Variants in NRP1 observed in about 807,000 individuals in gnomAD.
The protein encoded by NRP1 is neuropilin-1.
NRP1 carries 35 observed loss-of-function variants against 106.7 expected under a neutral mutation model. The ratio of observed to expected loss-of-function variants is 0.33; its 90% CI spans 0.25 to 0.43. NRP1 has a LOEUF of 0.43. Among genes scored for constraint, NRP1 ranks in the 20% least tolerant of loss-of-function variants. The pLI is 1.00. For missense variants in NRP1, 1,024 were observed against 1,170.4 expected (o/e 0.87, Z 1.83); for synonymous variants, 437 against 417.9 (o/e 1.05, Z -0.56).
At chr10:33,182,612 G>A in intron 16 of NRP1, 86 bp downstream of exon 16, 2 of 887,524 alleles carry the variant, frequency 2.3e-6, no homozygotes, top group Admixed American at 3.9e-5. Flanking sequence ...ACATACCAGT[G>A]TATTAGAGTT....
chr10:33,265,990 G>A (rs543643067), intron 3 of NRP1, among the ~76,000 whole-genome samples: 12 of 152,224 alleles, frequency 7.9e-5, no homozygotes, highest in African/African-American at 2.9e-4. Flanking sequence ...TATCCACAGT[G>A]TAGAAACAGT....
intron 6 of NRP1, among the ~76,000 whole-genome samples, chr10:33,238,905 C>CTGTGTGTGTGTGTGTGTGTG (rs34194923): frequency 2.0e-5 from 3 of 148,610 alleles, no homozygotes; most frequent in African/African-American, 7.4e-5. Context: ...GTGGGTGCCT[C>CTGTGTGTGTGTGTGTGTGTG]TGTGTGTGTG....
At chr10:33,282,254 A>AT (rs750316068) in intron 2 of NRP1, among the ~76,000 whole-genome samples, 28 of 152,250 alleles carry the variant, frequency 1.8e-4, no homozygotes, top group Non-Finnish European at 3.8e-4. Context: ...AGCCCCCTTA[A>AT]TTGGTATGGT....
chr10:33,270,590 G>T, intron 3 of NRP1, 85 bp downstream of exon 3: 3 of 1,203,760 alleles, frequency 2.5e-6, no homozygotes, highest in Non-Finnish European at 3.4e-6. Flanking sequence ...GCCTCCCAAA[G>T]TGCTGAGATT....
In NRP1 at chr10:33,213,381, C is replaced by T; in HGVS notation, c.1614+5G>A. On this transcript the variant is annotated splice_donor_5th_base_variant and intron_variant, in intron 9 of 16. Transcript: ENST00000374867. ...GATGACCTCCTCCCAGTCCCCAGCCCTCACCTTCGCCTTGCGTTTGCTGTC... is the reference window on the plus strand; with the variant it reads ...GATGACCTCCTCCCAGTCCCCAGCCTTCACCTTCGCCTTGCGTTTGCTGTC... The T allele has an allele frequency of 6.2e-7, 1 of 1,614,084 alleles. No individual in the cohort carries two copies. The highest frequency in any genetic ancestry group is 8.5e-7 in the Non-Finnish European group (1 of 1,180,028).
chr10:33,210,668 C>G (rs927906224), intron 9 of NRP1, among the ~76,000 whole-genome samples: 13 of 152,182 alleles, frequency 8.5e-5, no homozygotes, highest in African/African-American at 3.1e-4. Context: ...TTCAAAGATT[C>G]TGATATAGCT....
At position 33,265,897 on chromosome 10, in the gene NRP1, C is replaced by T. The variant is rs77263525; in HGVS notation, c.431-2024G>A. ...ACTCTGGTGGCTTCTGAGATGACAGCGACTATGCTAATTTGAGTCATTTAT... is the reference window on the plus strand; with the variant it reads ...ACTCTGGTGGCTTCTGAGATGACAGTGACTATGCTAATTTGAGTCATTTAT... On this transcript the variant is annotated intron_variant, in intron 3 of 16. Coordinates refer to ENST00000374867, the MANE Select transcript of NRP1 (RefSeq NM_003873.7). Among the ~76,000 whole-genome samples the T allele has an allele frequency of 8.8e-3, 1,334 of 152,114 alleles. 16 individuals carry two copies. Among genetic ancestry groups the T allele is most frequent in the African/African-American group, 0.029 (1,223 of 41,494 alleles).
chr10:33,230,531 C>T (rs1840028749), intron 6 of NRP1, among the ~76,000 whole-genome samples: 3 of 152,142 alleles, frequency 2.0e-5, no homozygotes, highest in African/African-American at 7.2e-5. Context: ...TCAGTGGAGA[C>T]TGAGATAAAA....
intron 8 of NRP1, among the ~76,000 whole-genome samples, chr10:33,218,121 A>G (rs1838923272): frequency 6.6e-6 from 1 of 152,178 alleles, no homozygotes; most frequent in South Asian, 2.1e-4. Context: ...ACTTCTGGTT[A>G]ATAACAGAAG....
intron 2 of NRP1, among the ~76,000 whole-genome samples, chr10:33,305,621 A>G (rs1013244840): frequency 1.3e-5 from 2 of 152,098 alleles, no homozygotes; most frequent in Non-Finnish European, 2.9e-5. Context: ...CTACCCATCA[A>G]CTAGAGAGGT....
At chr10:33,262,634 C>T (rs1053544900) in intron 4 of NRP1, among the ~76,000 whole-genome samples, 4 of 144,356 alleles carry the variant, frequency 2.8e-5, no homozygotes, top group Non-Finnish European at 4.5e-5. Context: ...ACCTGGGAGG[C>T]GGAGGTTGCA....
chr10:33,307,936 T>C (rs1234900696), intron 2 of NRP1, among the ~76,000 whole-genome samples: 3 of 152,120 alleles, frequency 2.0e-5, no homozygotes, highest in Non-Finnish European at 4.4e-5. Flanking sequence ...TATAGCACTA[T>C]TAGCAATAGC....
chr10:33,312,167 A>AT (rs1452664717), intron 2 of NRP1, among the ~76,000 whole-genome samples: 1 of 152,174 alleles, frequency 6.6e-6, no homozygotes, highest in African/African-American at 2.4e-5. Context: ...TATTTTAATT[A>AT]TTTTTTAAAT....
At position 33,186,391 on chromosome 10, in the gene NRP1, G is replaced by A. The variant is rs1314419300; in HGVS notation, c.2160C>T (p.His720=). 1.2e-6 allele frequency: 2 copies of A among 1,614,160 alleles called. No homozygotes were observed. The highest frequency in any genetic ancestry group is 1.7e-6 in the Non-Finnish European group (2 of 1,180,038). ...SPVVYSQNSA[H]CMTFWYHMSG... Reference sequence around the variant, plus strand: ...ACATGTGATACCAGAAGGTCATGCAGTGGGCAGAGTTCTGGGAATAAACCA... The same window carrying A: ...ACATGTGATACCAGAAGGTCATGCAATGGGCAGAGTTCTGGGAATAAACCA... The change falls in exon 14 of 17, where the codon CAC becomes CAT. Residue 720 remains histidine, a synonymous_variant. Coordinates refer to ENST00000374867, the MANE Select transcript of NRP1 (RefSeq NM_003873.7).
At chr10:33,213,126 T>C in intron 9 of NRP1, 1 of 950,464 alleles carries the variant, frequency 1.1e-6, no homozygotes, top group South Asian at 1.7e-5. Flanking sequence ...GTCTCCTGTC[T>C]GCATGTTGAG....
At chr10:33,232,953 C>A (rs754277288) in intron 6 of NRP1, among the ~76,000 whole-genome samples, 7 of 152,116 alleles carry the variant, frequency 4.6e-5, no homozygotes, top group Non-Finnish European at 8.8e-5. Context: ...CAGCTGGTGA[C>A]CACTTTCTAA....
intron 2 of NRP1, among the ~76,000 whole-genome samples, chr10:33,274,720 T>G (rs1233984116): frequency 6.6e-6 from 1 of 152,198 alleles, no homozygotes; most frequent in Non-Finnish European, 1.5e-5. Flanking sequence ...CTTCCGGACA[T>G]TCTCACATTA....
intron 2 of NRP1, among the ~76,000 whole-genome samples, chr10:33,276,944 T>G (rs1223640413): frequency 6.6e-6 from 1 of 151,868 alleles, no homozygotes; most frequent in Non-Finnish European, 1.5e-5. Flanking sequence ...TCTACAAAAT[T>G]TTTTTAAAAA....
intron 2 of NRP1, among the ~76,000 whole-genome samples, chr10:33,291,560 T>A (rs1844993229): frequency 6.6e-6 from 1 of 152,132 alleles, no homozygotes; most frequent in African/African-American, 2.4e-5. Context: ...TAAACAGAAA[T>A]GTGTTGTGGA....
Sources: allele counts gnomAD v4.1 joint callset (sites outside exome capture counted in the v4.1 genomes callset), GRCh38; gene constraint gnomAD v4.1.1; transcripts MANE v1.5; gene names NCBI Gene and HGNC (gene_info 2026-07-23, HGNC 2026-07-21).